ANKRD33B: variants seen among roughly 807,000 people sequenced by gnomAD.
The protein encoded by ANKRD33B is ankyrin repeat domain-containing protein 33B.
A neutral mutation model predicts 21.5 loss-of-function variants in ANKRD33B; 6 were observed. The observed-to-expected ratio is 0.28, with a 90% CI of 0.15 to 0.55. ANKRD33B has a LOEUF of 0.55. Among genes scored for constraint, ANKRD33B ranks in the 20% least tolerant of loss-of-function variants. The pLI, the probability that ANKRD33B is intolerant of heterozygous loss-of-function variation, is 0.94. For synonymous variants in ANKRD33B, 347 were observed against 342.4 expected, an observed-to-expected ratio of 1.01 and a Z score of -0.15; for missense variants, 698 against 747.2, an observed-to-expected ratio of 0.93 and a Z score of 0.77.
At chr5:10,622,814 T>G (rs561296957) in intron 2 of ANKRD33B, among the ~76,000 whole-genome samples, 3 of 150,400 alleles carry the variant, frequency 2.0e-5, no homozygotes, top group Non-Finnish European at 3.0e-5. Context: ...TTTTATTTTT[T>G]TTTTTTTCTG....
chr5:10,582,215 T>C (rs1428125448), intron 1 of ANKRD33B, among the ~76,000 whole-genome samples: 1 of 152,258 alleles, frequency 6.6e-6, no homozygotes, highest in Admixed American at 6.5e-5. Flanking sequence ...TGTAACACTC[T>C]GCTGTTACTG....
intron 1 of ANKRD33B, among the ~76,000 whole-genome samples, chr5:10,581,560 G>A (rs1184700350): frequency 3.3e-5 from 5 of 152,168 alleles, no homozygotes; most frequent in African/African-American, 4.8e-5. Context: ...TCATAGGCTG[G>A]CCTCTTTACT....
chr5:10,568,305 A>G (rs2399910), intron 1 of ANKRD33B, among the ~76,000 whole-genome samples: 102,444 of 152,148 alleles, frequency 0.67, 34,834 homozygotes, highest in East Asian at 0.8. Flanking sequence ...AGGCAGTGCA[A>G]GCTGCCATAA....
Position 10,564,393 on chromosome 5 carries a change from G to C in ANKRD33B, c.-75G>C. 1 of 961,496 alleles carries C rather than the reference G, an allele frequency of 1.0e-6. No individual in the cohort carries two copies. Among genetic ancestry groups the C allele is most frequent in the Non-Finnish European group, 1.2e-6 (1 of 802,370 alleles). The allele number at this position is 961,496 out of a possible 1,614,324, so 59.6% of individuals were successfully genotyped here. A position where few individuals can be genotyped will look rare whatever the true frequency, so the allele number is the denominator to read the frequency against. On this transcript the variant is annotated 5_prime_UTR_variant, in exon 1 of 4. Coordinates refer to ENST00000296657, the MANE Select transcript of ANKRD33B (RefSeq NM_001164440.2). ...CTGGGGACGCAGAAGCGAGAAGCGG[G>C]GACCTCGGCGCGCGCCCCGCGTCCC... is the stretch of plus-strand genomic sequence containing the variant.
intron 2 of ANKRD33B, among the ~76,000 whole-genome samples, chr5:10,626,008 C>T (rs1736537496): frequency 6.6e-6 from 1 of 152,162 alleles, no homozygotes. Flanking sequence ...TGACCCAGGC[C>T]AAGAAGCTGG....
chr5:10,649,918 G>GGCGCCC lies in ANKRD33B; in HGVS notation c.1297_1302dup (p.Ala433_Pro434dup). 2 of 1,520,990 alleles carry GGCGCCC rather than the reference G, an allele frequency of 1.3e-6. No individual in the cohort carries two copies. The highest frequency in any genetic ancestry group is 1.2e-5 in the South Asian group (1 of 82,604). The allele number at this position is 1,520,990 out of a possible 1,614,324, so 94.2% of individuals were successfully genotyped here. ...TGGTGCCCCGGGTCCGAGTCAGCAAGGCGCCCGCGCCCACCTTCCAGCCCG... is the reference window on the plus strand; with the variant it reads ...TGGTGCCCCGGGTCCGAGTCAGCAAGGCGCCCGCGCCCGCGCCCACCTTCCAGCCCG... On this transcript the variant is annotated inframe_insertion, in exon 4 of 4. Transcript: ENST00000296657.
chr5:10,628,397 G>C (rs1306587591), intron 2 of ANKRD33B, among the ~76,000 whole-genome samples: 1 of 152,164 alleles, frequency 6.6e-6, no homozygotes, highest in Non-Finnish European at 1.5e-5. Context: ...GGCCAGGCTG[G>C]TATCGAACTC....
chr5:10,613,698 A>C (rs1736222091), intron 1 of ANKRD33B, among the ~76,000 whole-genome samples: 2 of 152,050 alleles, frequency 1.3e-5, no homozygotes, highest in South Asian at 2.1e-4. Flanking sequence ...CACGAGATTG[A>C]AAACATCCTG....
chr5:10,647,406 G>C (rs1239614392), intron 3 of ANKRD33B, among the ~76,000 whole-genome samples: 1 of 152,154 alleles, frequency 6.6e-6, no homozygotes, highest in Non-Finnish European at 1.5e-5. Flanking sequence ...ACTATGCCTG[G>C]CCCCTCAATG....
Position 10,638,158 on chromosome 5 carries a change from G to C in ANKRD33B, c.627G>C (p.Leu209=), listed in dbSNP as rs1474563248. ...GTCGAACGGACTGCATCCGAGCCCTGATGCTAGCAGGTATGTCCACCTGTC... is the reference window on the plus strand; with the variant it reads ...GTCGAACGGACTGCATCCGAGCCCTCATGCTAGCAGGTATGTCCACCTGTC... ...MQGRTDCIRA[L]MLAGADVHAR... Residue 209 remains leucine, a synonymous_variant, in exon 3 of 4, where the codon CTG becomes CTC. Transcript: ENST00000296657. 1 of 1,537,400 alleles carries C rather than the reference G, an allele frequency of 6.5e-7. No individual in the cohort carries two copies. Among genetic ancestry groups the C allele is most frequent in the Admixed American group, 2.0e-5 (1 of 50,998 alleles).
chr5:10,582,902 C>G (rs533379225), intron 1 of ANKRD33B, among the ~76,000 whole-genome samples: 1 of 152,168 alleles, frequency 6.6e-6, no homozygotes, highest in African/African-American at 2.4e-5. Context: ...TTGGTCAGCT[C>G]CATGAGGGAG....
In ANKRD33B at chr5:10,649,715, G is replaced by A. The variant is rs1306389006; in HGVS notation, c.1087G>A (p.Gly363Arg). ...CCAGGCGCAGGAGGAGGATGAGGTGGGGGGCGCGGGGCAGCGCGGGCGGAC... is the reference window on the plus strand; with the variant it reads ...CCAGGCGCAGGAGGAGGATGAGGTGAGGGGCGCGGGGCAGCGCGGGCGGAC... ...GPQAQEEDEV[G>R]GAGQRGRTGQ... Residue 363 changes from glycine (G) to arginine (R), a missense_variant, in exon 4 of 4, where the codon GGG (glycine) becomes AGG (arginine). By Grantham distance (125) the Gly-to-Arg change is moderately radical. Coordinates refer to ENST00000296657, the MANE Select transcript of ANKRD33B (RefSeq NM_001164440.2). 6.6e-7 allele frequency: 1 copy of A among 1,508,800 alleles called. No individual in the cohort carries two copies. The highest frequency in any genetic ancestry group is 2.0e-5 in the Admixed American group (1 of 48,950). The allele number at this position is 1,508,800 out of a possible 1,614,324, so 93.5% of individuals were successfully genotyped here. A position where few individuals can be genotyped will look rare whatever the true frequency, so the allele number is the denominator to read the frequency against.
intron 1 of ANKRD33B, among the ~76,000 whole-genome samples, chr5:10,588,466 C>T (rs181379074): frequency 3.3e-5 from 5 of 152,256 alleles, no homozygotes. Flanking sequence ...TACTGACTCT[C>T]TTAGGAAATT....
At chr5:10,602,812 G>C (rs1017246574) in intron 1 of ANKRD33B, among the ~76,000 whole-genome samples, 15 of 138,608 alleles carry the variant, frequency 1.1e-4, no homozygotes. Context: ...TTGATTGCTT[G>C]TCATTTTTTT....
chr5:10,641,747 A>C (rs59555177), intron 3 of ANKRD33B, among the ~76,000 whole-genome samples: 14 of 152,278 alleles, frequency 9.2e-5, no homozygotes, highest in African/African-American at 3.4e-4. Flanking sequence ...CTATAATAAA[A>C]ATAAGTTCAG....
intron 2 of ANKRD33B, among the ~76,000 whole-genome samples, chr5:10,634,255 T>C (rs193189986): frequency 6.6e-6 from 1 of 152,362 alleles, no homozygotes; most frequent in African/African-American, 2.4e-5. Flanking sequence ...GTCTACACTA[T>C]GTTCCAGTGA....
chr5:10,592,339 G>A (rs1037662631), intron 1 of ANKRD33B, among the ~76,000 whole-genome samples: 5 of 151,718 alleles, frequency 3.3e-5, no homozygotes, highest in Admixed American at 6.6e-5. Context: ...GGCTGGGCGC[G>A]GTGGCGCCCA....
intron 1 of ANKRD33B, among the ~76,000 whole-genome samples, chr5:10,566,691 C>T (rs1050591888): frequency 2.6e-5 from 4 of 152,242 alleles, no homozygotes; most frequent in Non-Finnish European, 2.9e-5. Flanking sequence ...CCCAGGGGCT[C>T]GAGCCTAACA....
intron 3 of ANKRD33B, among the ~76,000 whole-genome samples, chr5:10,643,787 T>A (rs1737120426): frequency 7.5e-6 from 1 of 133,850 alleles, no homozygotes; most frequent in African/African-American, 2.8e-5. Flanking sequence ...GCCACTGTAT[T>A]CCAGCCTAGG....
Sources: allele counts gnomAD v4.1 joint callset (sites outside exome capture counted in the v4.1 genomes callset), GRCh38; gene constraint gnomAD v4.1.1; transcripts MANE v1.5; gene names NCBI Gene and HGNC (gene_info 2026-07-23, HGNC 2026-07-21).